The following NCBP3 variants were observed in gnomAD, a reference collection of about 807,000 sequenced individuals.
NCBP3 encodes nuclear cap-binding protein subunit 3.
Under a neutral mutation model 75.7 loss-of-function variants are expected in NCBP3, and 20 were observed. That is an observed-to-expected ratio of 0.26 (90% CI 0.19 to 0.38). The LOEUF is 0.38. NCBP3 is among the 10% of genes least tolerant of loss of function. The probability of loss-of-function intolerance (pLI) is 1.00; values close to 1 mark genes in which losing one functional copy is unlikely to be tolerated. For missense variants in NCBP3, 678 were observed against 796.9 expected (o/e 0.85, Z 1.80); for synonymous variants, 293 against 290.5 (o/e 1.01, Z -0.09).
chr17:3,832,663 T>A (rs1030832897), intron 3 of NCBP3, among the ~76,000 whole-genome samples: 3 of 151,424 alleles, frequency 2.0e-5, no homozygotes, highest in African/African-American at 4.8e-5. Context: ...AAAATAAAAA[T>A]AAAAAAAGGA....
intron 12 of NCBP3, 130 bp from the exon 13 acceptor site, chr17:3,813,409 G>C (rs1397664322): frequency 8.6e-7 from 1 of 1,168,124 alleles, no homozygotes; most frequent in African/African-American, 1.5e-5. Context: ...TGCCACCACA[G>C]TGCAGCCTTG....
chr17:3,830,981 G>A (rs1045179250), intron 3 of NCBP3, among the ~76,000 whole-genome samples: 3 of 149,968 alleles, frequency 2.0e-5, no homozygotes, highest in Non-Finnish European at 3.0e-5. Context: ...GTGCAATCTC[G>A]GCTCACTGCA....
In NCBP3 at chr17:3,818,148, A is replaced by C; in HGVS notation, c.1310+115T>G. On this transcript the variant is annotated intron_variant, in intron 10 of 12. Transcript: ENST00000389005. This position sits in a 1 kb window ranked among gnomAD's most constrained non-coding sequence, Gnocchi z 4.7. ...TACTGGATGCGTTTATTAAACTCCT[A>C]CAAGGGACTGAAATCAGAATAGATA... The C allele has an allele frequency of 1.1e-6, 1 of 898,660 alleles. No homozygotes were observed. Among genetic ancestry groups the C allele is most frequent in the South Asian group, 2.0e-5 (1 of 50,552 alleles). The allele number at this position is 898,660 out of a possible 1,614,324, so 55.7% of individuals were successfully genotyped here. A position where few individuals can be genotyped will look rare whatever the true frequency, so the allele number is the denominator to read the frequency against.
At position 3,829,490 on chromosome 17, in the gene NCBP3, C is replaced by T. The variant is rs977688867; in HGVS notation, c.356-122G>A. Reference sequence around the variant, plus strand: ...TTAGAAAGAAACATGCTGAGAGAAACTATAATTATTTCAAAAGAGCACGAG... The same window carrying T: ...TTAGAAAGAAACATGCTGAGAGAAATTATAATTATTTCAAAAGAGCACGAG... On this transcript the variant is annotated intron_variant, in intron 3 of 12. Coordinates refer to ENST00000389005, the MANE Select transcript of NCBP3 (RefSeq NM_001114118.3). 18 of 1,112,852 alleles carry T rather than the reference C, an allele frequency of 1.6e-5. No homozygotes were observed. The African/African-American group carries it at 2.2e-4, about 14-fold the overall frequency. The allele number at this position is 1,112,852 out of a possible 1,614,324, so 68.9% of individuals were successfully genotyped here. A position where few individuals can be genotyped will look rare whatever the true frequency, so the allele number is the denominator to read the frequency against.
chr17:3,814,303 C>T lies in NCBP3; in HGVS notation c.1627+19G>A, dbSNP rs773004471. On this transcript the variant is annotated intron_variant, in intron 12 of 12. Transcript: ENST00000389005. ...CTCTCACTGAATCCCCATTCCCATC[C>T]GTTTTAAGTGTTACCAACCTGATTT... The T allele has an allele frequency of 3.7e-6, 6 of 1,612,090 alleles. No individual in the cohort carries two copies. Among genetic ancestry groups the T allele is most frequent in the Middle Eastern group, 1.7e-4 (1 of 6,040 alleles).
At chr17:3,816,591 C>T (rs1201606558) in intron 10 of NCBP3, among the ~76,000 whole-genome samples, 5 of 152,242 alleles carry the variant, frequency 3.3e-5, no homozygotes, top group African/African-American at 7.2e-5. Context: ...GGGGCTTCCA[C>T]TTACACATGC....
At chr17:3,843,243 C>CTTTT (rs5818919) in intron 1 of NCBP3, 92 bp from the exon 2 acceptor site, 141 of 694,362 alleles carry the variant, frequency 2.0e-4, no homozygotes, top group African/African-American at 8.5e-4. Flanking sequence ...TTCTTTTTTC[C>CTTTT]TTTTTTTTTT....
intron 1 of NCBP3, 130 bp downstream of exon 1, chr17:3,845,911 C>T: frequency 2.8e-6 from 3 of 1,081,406 alleles, no homozygotes. Context: ...GTTCCCAGGA[C>T]GCTGGCTCCC....
chr17:3,802,342 T>G lies in NCBP3; in HGVS notation c.*10702A>C, dbSNP rs1426094860. ...ATCCATGTTATTTTGTTTCTCGCAT[T>G]GAAAGGCTGCTTGGCTAAGGTTCTG... On this transcript the variant is annotated 3_prime_UTR_variant, in exon 13 of 13. Transcript: ENST00000389005. 1 of 152,120 alleles carries G rather than the reference T, an allele frequency of 6.6e-6. No individual in the cohort carries two copies. Among genetic ancestry groups the G allele is most frequent in the Non-Finnish European group, 1.5e-5 (1 of 68,040 alleles). The allele number at this position is 152,120 out of a possible 1,614,324, so 9.4% of individuals were successfully genotyped here.
Position 3,832,202 on chromosome 17 carries a change from AAG to A in NCBP3, c.356-2836_356-2835del, listed in dbSNP as rs2053890445. ...CCGTCGCAAAAAAAAAAAAAAAAAA[AAG>A]AGGATGGATACCCCATTCTCCATGA... On this transcript the variant is annotated intron_variant, in intron 3 of 12. Transcript: ENST00000389005. Among the ~76,000 whole-genome samples the A allele has an allele frequency of 1.7e-5, 2 of 116,198 alleles. 1 individual carries two copies. Among genetic ancestry groups the A allele is most frequent in the Non-Finnish European group, 4.1e-5 (2 of 48,390 alleles). 76.2% of individuals were successfully genotyped at this position (116,198 alleles called of 152,430 possible).
chr17:3,842,567 A>C (rs113805022), intron 2 of NCBP3, among the ~76,000 whole-genome samples: 2,855 of 152,322 alleles, frequency 0.019, 108 homozygotes, highest in African/African-American at 0.066. Context: ...ACGGTTCAAC[A>C]CAGGTATCTA....
At chr17:3,814,265 C>T (rs1480141120) in intron 12 of NCBP3, 57 bp downstream of exon 12, 18 of 1,557,572 alleles carry the variant, frequency 1.2e-5, no homozygotes, top group Non-Finnish European at 8.8e-7. Context: ...TCCAATACAC[C>T]CACTGTCCTC....
chr17:3,833,048 G>T (rs890888536), intron 3 of NCBP3, among the ~76,000 whole-genome samples: 1 of 152,010 alleles, frequency 6.6e-6, no homozygotes, highest in Non-Finnish European at 1.5e-5. Context: ...CCAGGAGTTC[G>T]AGAGGCCAGC....
rs1360244381 is a variant in NCBP3 at position 3,825,003 on chromosome 17, A to G, written c.735T>C (p.Asp245=). 1 of 1,546,922 alleles carries G rather than the reference A, an allele frequency of 6.5e-7. No individual in the cohort carries two copies. Among genetic ancestry groups the G allele is most frequent in the Non-Finnish European group, 8.7e-7 (1 of 1,144,824 alleles). ...TAGCAAGTTTGTTAGCTGGACGAAG[A>G]TCGTTTCTTAACAAAGACTCCTCTT... The part of the protein sequence containing the change: ...QVEEESLLRN[D]LRPANKLAKG... The change falls in exon 7 of 13, where the codon GAT becomes GAC. Residue 245 remains aspartate (D), a synonymous_variant. Coordinates refer to ENST00000389005, the MANE Select transcript of NCBP3 (RefSeq NM_001114118.3).
chr17:3,809,050 A>G lies in NCBP3; in HGVS notation c.*3994T>C, dbSNP rs4790541. 118,076 of 151,994 alleles carry G rather than the reference A, an allele frequency of 0.78. 46,132 individuals carry two copies. The highest frequency in any genetic ancestry group is 0.82 in the Middle Eastern group (242 of 294). 9.4% of individuals were successfully genotyped at this position (151,994 alleles called of 1,614,324 possible). A position where few individuals can be genotyped will look rare whatever the true frequency, so the allele number is the denominator to read the frequency against. On this transcript the variant is annotated 3_prime_UTR_variant, in exon 13 of 13. Coordinates refer to ENST00000389005, the MANE Select transcript of NCBP3 (RefSeq NM_001114118.3). The stretch of plus-strand genomic sequence containing the variant: ...TGTAATCTCGGCACTTTGGGAGGTC[A>G]AGGCAGGAGGATCACTTGAGGCCAG...
intron 3 of NCBP3, among the ~76,000 whole-genome samples, chr17:3,838,850 A>T (rs1348196820): frequency 2.0e-5 from 3 of 152,238 alleles, no homozygotes; most frequent in Non-Finnish European, 4.4e-5. Flanking sequence ...CGAGTCTAGT[A>T]AAAAAGCAAG....
Position 3,810,326 on chromosome 17 carries a change from G to A in NCBP3, c.*2718C>T, listed in dbSNP as rs2053389843. 1 of 152,232 alleles carries A rather than the reference G, an allele frequency of 6.6e-6. No homozygotes were observed. The highest frequency in any genetic ancestry group is 2.1e-4 in the South Asian group (1 of 4,826). The allele number at this position is 152,232 out of a possible 1,614,324, so 9.4% of individuals were successfully genotyped here. ...TCAGACTACAAGGGGGCCAGAGGAGGAGACTACATCCTGAGGACGCCACAA... is the reference window on the plus strand; with the variant it reads ...TCAGACTACAAGGGGGCCAGAGGAGAAGACTACATCCTGAGGACGCCACAA... On this transcript the variant is annotated 3_prime_UTR_variant, in exon 13 of 13. Coordinates refer to ENST00000389005, the MANE Select transcript of NCBP3 (RefSeq NM_001114118.3).
rs2053442400 is a variant in NCBP3, at chr17:3,812,738, A to G, written c.*306T>C. On this transcript the variant is annotated 3_prime_UTR_variant, in exon 13 of 13. Transcript: ENST00000389005. ...TAAAACATTTCTTTTAAAAGACACA[A>G]TGTTAAAAATATTAAGAAAAATGTC... is the stretch of plus-strand genomic sequence containing the variant. 4 of 1,192,436 alleles carry G rather than the reference A, an allele frequency of 3.4e-6. No individual in the cohort carries two copies. Among genetic ancestry groups the G allele is most frequent in the East Asian group, 5.2e-5 (1 of 19,236 alleles). The allele number at this position is 1,192,436 out of a possible 1,614,324, so 73.9% of individuals were successfully genotyped here. A position where few individuals can be genotyped will look rare whatever the true frequency, so the allele number is the denominator to read the frequency against.
chr17:3,841,159 TAG>T (rs2054056746), intron 2 of NCBP3, among the ~76,000 whole-genome samples: 1 of 152,160 alleles, frequency 6.6e-6, no homozygotes, highest in Non-Finnish European at 1.5e-5. Context: ...GTATTTTTAG[TAG>T]AGACGGGGTT....
Sources: gnomAD v4.1 joint callset for allele counts (sites outside exome capture counted in the v4.1 genomes callset) on GRCh38, gnomAD v4.1.1 for gene constraint, Gnocchi (gnomAD v3.1) non-coding constraint, MANE v1.5 for transcripts, NCBI Gene and HGNC (gene_info 2026-07-23, HGNC 2026-07-21) for gene names.